Variants in PLEKHD1 observed in about 807,000 individuals in gnomAD.
The protein encoded by PLEKHD1 is pleckstrin homology and coiled-coil domain containing D1, also known as pleckstrin homology domain-containing family D member 1.
A neutral mutation model predicts 69.2 loss-of-function variants in PLEKHD1; 51 were observed. The observed-to-expected ratio is 0.74, with a 90% CI of 0.59 to 0.93. PLEKHD1 has a LOEUF of 0.93. Among genes scored for constraint, PLEKHD1 ranks in the 40% least tolerant of loss-of-function variants. The probability of loss-of-function intolerance (pLI) is 0.00; values close to 1 mark genes in which losing one functional copy is unlikely to be tolerated. For missense variants in PLEKHD1, 584 were observed against 641.0 expected (o/e 0.91, Z 0.96); for synonymous variants, 236 against 244.7 (o/e 0.96, Z 0.33).
rs1883788443 is a variant in PLEKHD1, at chr14:69,531,460, A to T, written c.*3041A>T. 1 of 152,266 alleles carries T rather than the reference A, an allele frequency of 6.6e-6. No individual in the cohort carries two copies. The highest frequency in any genetic ancestry group is 1.5e-5 in the Non-Finnish European group (1 of 68,042). The allele number at this position is 152,266 out of a possible 1,614,324, so 9.4% of individuals were successfully genotyped here. A position where few individuals can be genotyped will look rare whatever the true frequency, so the allele number is the denominator to read the frequency against. ...ATCAAAATACGTAGGAGTGGAAATT[A>T]CTTAGTGGAGATATGTTGATGTAAT... On this transcript the variant is annotated 3_prime_UTR_variant, in exon 13 of 13. Transcript: ENST00000322564.
chr14:69,526,780 C>T lies in PLEKHD1; in HGVS notation c.1007C>T (p.Ser336Leu), dbSNP rs760438021. Residue 336 changes from serine (S) to leucine (L), a missense_variant, in exon 10 of 13, where the codon TCG becomes TTG. By Grantham distance (145) the Ser-to-Leu change is moderately radical. Coordinates refer to ENST00000322564, the MANE Select transcript of PLEKHD1 (RefSeq NM_001161498.2). The stretch of plus-strand genomic sequence containing the variant: ...AGCCAGTCCCAGGCACTGCAGAACT[C>T]GCTGCAGGAGCTGACGGCAGAGAAG... ...YSSQSQALQN[S>L]LQELTAEKQQ... 2.6e-5 allele frequency: 41 copies of T among 1,550,330 alleles called. No individual in the cohort carries two copies. The South Asian group carries it at 3.7e-4, about 14-fold the overall frequency.
intron 6 of PLEKHD1, among the ~76,000 whole-genome samples, chr14:69,516,589 T>C (rs1367935367): frequency 6.6e-6 from 1 of 152,180 alleles, no homozygotes; most frequent in East Asian, 1.9e-4. Context: ...TAATCTTCTA[T>C]TTTTGATCCT....
intron 6 of PLEKHD1, among the ~76,000 whole-genome samples, chr14:69,512,244 C>CT (rs1380332555): frequency 6.6e-6 from 1 of 151,956 alleles, no homozygotes; most frequent in Non-Finnish European, 1.5e-5. Flanking sequence ...GTTATGTTCC[C>CT]TCTTTCATTT....
chr14:69,499,101 A>G (rs548597089), intron 1 of PLEKHD1, among the ~76,000 whole-genome samples: 10 of 152,312 alleles, frequency 6.6e-5, no homozygotes, highest in East Asian at 1.9e-4. Context: ...CACAGCCACT[A>G]TTGAGCTACC....
rs183299203 is a variant in PLEKHD1 at position 69,485,801 on chromosome 14, A to G, written c.149+687A>G. On this transcript the variant is annotated intron_variant, in intron 1 of 12. Transcript: ENST00000322564. ...AAGGAGGGGATAGATTGGTTCTGCC[A>G]AGGATTGATCCTCTGAAAGGGGTGG... 2.0e-3 allele frequency among the ~76,000 whole-genome samples: 310 copies of G among 152,350 alleles called. 2 individuals are homozygous for G. Among genetic ancestry groups the G allele is most frequent in the African/African-American group, 7.2e-3 (299 of 41,584 alleles).
At chr14:69,492,169 C>T (rs1882791216) in intron 1 of PLEKHD1, among the ~76,000 whole-genome samples, 1 of 152,216 alleles carries the variant, frequency 6.6e-6, no homozygotes, top group Admixed American at 6.5e-5. Flanking sequence ...ACCCTTTGCA[C>T]TTTCTGCCAA....
chr14:69,513,472 G>T (rs1015177945), intron 6 of PLEKHD1, among the ~76,000 whole-genome samples: 1 of 152,140 alleles, frequency 6.6e-6, no homozygotes, highest in African/African-American at 2.4e-5. Flanking sequence ...TTATTTGAAC[G>T]CAGTTTGGAC....
At chr14:69,501,939 G>A in intron 5 of PLEKHD1, 114 bp downstream of exon 5, 1 of 954,750 alleles carries the variant, frequency 1.0e-6, no homozygotes, top group South Asian at 1.7e-5. Flanking sequence ...GGGGCTATGA[G>A]GGAACAGAGA....
intron 6 of PLEKHD1, among the ~76,000 whole-genome samples, chr14:69,520,279 GC>G (rs1463155331): frequency 6.6e-6 from 1 of 150,962 alleles, no homozygotes; most frequent in South Asian, 2.1e-4. Flanking sequence ...AAACGGCTCT[GC>G]CCCAGGAGGC....
chr14:69,505,802 C>G (rs1883138810), intron 6 of PLEKHD1, among the ~76,000 whole-genome samples: 1 of 152,228 alleles, frequency 6.6e-6, no homozygotes, highest in African/African-American at 2.4e-5. Context: ...GAGGAATGAG[C>G]AGAGCGTGCA....
chr14:69,527,599 G>A (rs1317922071), intron 11 of PLEKHD1, among the ~76,000 whole-genome samples, 184 bp from the exon 12 acceptor site: 1 of 152,238 alleles, frequency 6.6e-6, no homozygotes, highest in East Asian at 1.9e-4. Flanking sequence ...GACGTGCCCT[G>A]AGATGGCTGC....
At chr14:69,508,704 C>T (rs990614640) in intron 6 of PLEKHD1, among the ~76,000 whole-genome samples, 11 of 152,194 alleles carry the variant, frequency 7.2e-5, no homozygotes, top group Non-Finnish European at 8.8e-5. Flanking sequence ...GGGCACCTCA[C>T]GGACAAGTGC....
intron 11 of PLEKHD1, 125 bp downstream of exon 11, chr14:69,527,457 A>G: frequency 7.3e-7 from 1 of 1,373,756 alleles, no homozygotes; most frequent in Non-Finnish European, 9.9e-7. Flanking sequence ...TGGATATTGA[A>G]GGGTTTCTTC....
Position 69,500,651 on chromosome 14 carries a change from C to G in PLEKHD1, c.318C>G (p.Ser106=). 1 of 1,551,430 alleles carries G rather than the reference C, an allele frequency of 6.4e-7. No homozygotes were observed. Among genetic ancestry groups the G allele is most frequent in the Non-Finnish European group, 8.7e-7 (1 of 1,146,858 alleles). Residue 106 remains serine (S), a synonymous_variant, in exon 3 of 13, where the codon TCC becomes TCG. Coordinates refer to ENST00000322564, the MANE Select transcript of PLEKHD1 (RefSeq NM_001161498.2). The stretch of plus-strand genomic sequence containing the variant: ...GCATGCCCTATGCCATGAAGATCTC[C>G]CACCAGGACTTCCATGTGAGTAAAG... ...EPSMPYAMKI[S]HQDFHGNILL... is the part of the protein sequence containing the mutation.
chr14:69,521,951 G>A (rs781147396), intron 6 of PLEKHD1, among the ~76,000 whole-genome samples: 20 of 152,152 alleles, frequency 1.3e-4, no homozygotes, highest in South Asian at 8.3e-4. Context: ...CCGCCTGATG[G>A]TGGCAGTGAC....
chr14:69,513,980 G>T (rs1594987077), intron 6 of PLEKHD1, among the ~76,000 whole-genome samples: 1 of 151,936 alleles, frequency 6.6e-6, no homozygotes, highest in African/African-American at 2.4e-5. Context: ...TCTTCAATAG[G>T]TAATTTTTTC....
chr14:69,522,407 C>G, intron 7 of PLEKHD1, 30 bp downstream of exon 7: 1 of 1,548,968 alleles, frequency 6.5e-7, no homozygotes, highest in African/African-American at 1.4e-5. Flanking sequence ...ATTGGGGGTG[C>G]CACTAAGTTA....
At chr14:69,499,910 G>A (rs1337911340) in intron 1 of PLEKHD1, among the ~76,000 whole-genome samples, 1 of 152,124 alleles carries the variant, frequency 6.6e-6, no homozygotes, top group African/African-American at 2.4e-5. Context: ...CTGGCCACCT[G>A]TGCAGGGGCC....
chr14:69,473,149 G>A, the PLEKHD1 span, among the ~76,000 whole-genome samples: 8 of 152,264 alleles, frequency 5.3e-5, no homozygotes, highest in South Asian at 1.4e-3. Context: ...GAAATAAAGT[G>A]CACCATAAAT....
Sources: allele counts gnomAD v4.1 joint callset (sites outside exome capture counted in the v4.1 genomes callset), GRCh38; gene constraint gnomAD v4.1.1; transcripts MANE v1.5; gene names NCBI Gene and HGNC (gene_info 2026-07-23, HGNC 2026-07-21).